SOX6: variants seen among roughly 807,000 people sequenced by gnomAD.
SOX6 encodes SRY-box transcription factor 6.
A neutral mutation model predicts 97.8 loss-of-function variants in SOX6; 11 were observed. The ratio of observed to expected loss-of-function variants is 0.11; its 90% CI spans 0.07 to 0.19. The LOEUF is 0.19. SOX6 is among the 10% of genes least tolerant of loss of function. SOX6 has a pLI of 1.00. For missense variants in SOX6, 810 were observed against 1,039.5 expected (o/e 0.78, Z 3.04); for synonymous variants, 360 against 371.4 (o/e 0.97, Z 0.35).
At chr11:16,725,546 G>T (rs1848300590) in intron 2 of SOX6, among the ~76,000 whole-genome samples, 1 of 151,900 alleles carries the variant, frequency 6.6e-6, no homozygotes, top group South Asian at 2.1e-4. Context: ...AGTCACAAAA[G>T]ACCACATATT....
intron 9 of SOX6, among the ~76,000 whole-genome samples, chr11:16,072,819 A>G (rs1488792052): frequency 1.3e-5 from 2 of 152,178 alleles, no homozygotes; most frequent in Non-Finnish European, 2.9e-5. Context: ...AATCCTCACC[A>G]TGAATTTCAT....
In SOX6 at chr11:15,972,885, T is replaced by A. The variant is rs765795555; in HGVS notation, c.2411A>T (p.Tyr804Phe). The A allele has an allele frequency of 6.2e-7, 1 of 1,614,258 alleles. No individual in the cohort carries two copies. The highest frequency in any genetic ancestry group is 8.5e-7 in the Non-Finnish European group (1 of 1,180,040). ...MINGEDEMEMYDDYEDDPKSD... is the reference protein window; with the variant it reads ...MINGEDEMEMFDDYEDDPKSD... Reference sequence around the variant, plus strand: ...TTTGGGGTCATCTTCATAGTCATCATACATTTCCATTTCATCCTCTCCATT... The same window carrying A: ...TTTGGGGTCATCTTCATAGTCATCAAACATTTCCATTTCATCCTCTCCATT... Residue 804 changes from tyrosine (Y) to phenylalanine (F), a missense_variant, in exon 16 of 16, where the codon TAT (tyrosine) becomes TTT (phenylalanine). By Grantham distance (22) the Tyr-to-Phe change is conservative (BLOSUM62 3). Coordinates refer to ENST00000683767, the MANE Select transcript of SOX6 (RefSeq NM_001367873.1).
intron 1 of SOX6, among the ~76,000 whole-genome samples, chr11:16,426,203 C>G (rs1859125772): frequency 8.4e-6 from 1 of 118,946 alleles, no homozygotes. Flanking sequence ...TTGCAGTGAG[C>G]TGAGATTGCG....
At chr11:16,694,382 G>C (rs893911168) in intron 3 of SOX6, among the ~76,000 whole-genome samples, 20 of 152,082 alleles carry the variant, frequency 1.3e-4, no homozygotes, top group African/African-American at 4.6e-4. Flanking sequence ...AATTAGCCGG[G>C]TATGGTGGTG....
intron 6 of SOX6, among the ~76,000 whole-genome samples, chr11:16,132,444 A>AGAAAAAAGAAAG (rs1554934020): frequency 9.9e-4 from 27 of 27,210 alleles, no homozygotes; most frequent in African/African-American, 1.5e-3. Context: ...AAAGAAAGAA[A>AGAAAAAAGAAAG]AAAGAAAGAA....
chr11:16,573,315 C>A (rs147724210), intron 4 of SOX6, among the ~76,000 whole-genome samples: 2 of 152,126 alleles, frequency 1.3e-5, no homozygotes, highest in South Asian at 2.1e-4. Context: ...ATGATAATGA[C>A]AGAATAAATT....
chr11:16,559,974 T>C (rs1335132861), intron 4 of SOX6, among the ~76,000 whole-genome samples: 1 of 152,150 alleles, frequency 6.6e-6, no homozygotes, highest in Non-Finnish European at 1.5e-5. Flanking sequence ...TATTTTGCCA[T>C]TTTGGGGGAG....
rs138944998 is a variant in SOX6, at chr11:16,651,332, T to C, written n.430-39072A>G. The stretch of plus-strand genomic sequence containing the variant: ...AAAAAACAAAACAAAAAAAGAAAGC[T>C]ACAGACTGATATCCTTGATGAACAT... On this transcript the variant is annotated intron_variant and non_coding_transcript_variant, in intron 3 of 5. Coordinates refer to the SOX6 transcript ENST00000524520. Among the ~76,000 whole-genome samples, 401 of 152,138 alleles carry C rather than the reference T, an allele frequency of 2.6e-3. 1 individual carries two copies. The highest frequency in any genetic ancestry group is 9.1e-3 in the African/African-American group (376 of 41,514).
intron 9 of SOX6, among the ~76,000 whole-genome samples, chr11:16,084,479 G>C (rs1198992298): frequency 6.6e-6 from 1 of 151,972 alleles, no homozygotes; most frequent in African/African-American, 2.4e-5. Context: ...CTACCATGCA[G>C]CAGACACTGT....
At chr11:16,419,974 A>T (rs933094269) in intron 1 of SOX6, among the ~76,000 whole-genome samples, 3 of 152,170 alleles carry the variant, frequency 2.0e-5, no homozygotes, top group Non-Finnish European at 4.4e-5. Flanking sequence ...TTTTTCTTAG[A>T]TTTCTCAAAG....
Position 16,318,618 on chromosome 11 carries a change from G to C in SOX6, c.273C>G (p.Ser91=). The C allele has an allele frequency of 6.2e-7, 1 of 1,613,110 alleles. No homozygotes were observed. Among genetic ancestry groups the C allele is most frequent in the Non-Finnish European group, 8.5e-7 (1 of 1,179,492 alleles). Residue 91 remains serine, a synonymous_variant, in exon 3 of 16, where the codon TCC becomes TCG. Coordinates refer to ENST00000683767, the MANE Select transcript of SOX6 (RefSeq NM_001367873.1). ...SENNKLCSLY[S]FRNTSTSPHK... ...GTGGTGAGGTAGAGGTATTTCGGAAGGAATATAGGGAACATAACTTATTAT... is the reference window on the plus strand; with the variant it reads ...GTGGTGAGGTAGAGGTATTTCGGAACGAATATAGGGAACATAACTTATTAT...
intron 15 of SOX6, among the ~76,000 whole-genome samples, chr11:15,974,377 T>TC (rs1472311876): frequency 6.8e-5 from 6 of 87,624 alleles, no homozygotes; most frequent in African/African-American, 2.2e-4. Context: ...GTTAGCTCTC[T>TC]CTTTTTTTTT....
At chr11:16,617,509 T>C (rs896667586) in intron 3 of SOX6, among the ~76,000 whole-genome samples, 4 of 151,942 alleles carry the variant, frequency 2.6e-5, no homozygotes, top group African/African-American at 9.6e-5. Flanking sequence ...ATATTTCAGA[T>C]ATTTTTAAGA....
intron 13 of SOX6, among the ~76,000 whole-genome samples, chr11:16,002,132 T>A (rs746390689): frequency 2.6e-5 from 4 of 152,212 alleles, no homozygotes; most frequent in Non-Finnish European, 5.9e-5. Context: ...AGGACCAGCC[T>A]GATGGAGGCA....
intron 1 of SOX6, among the ~76,000 whole-genome samples, chr11:16,469,127 T>A (rs1448103764): frequency 6.6e-6 from 1 of 151,346 alleles, no homozygotes; most frequent in Admixed American, 6.6e-5. Flanking sequence ...ATAATAATAG[T>A]AACTGAGTAA....
intron 12 of SOX6, among the ~76,000 whole-genome samples, chr11:16,035,690 C>T (rs572923673): frequency 8.5e-5 from 13 of 152,154 alleles, no homozygotes; most frequent in Non-Finnish European, 1.3e-4. Context: ...TTAGTGCCTA[C>T]TATGTGCCAG....
intron 3 of SOX6, among the ~76,000 whole-genome samples, chr11:16,259,955 G>GTT (rs1853827970): frequency 6.6e-6 from 1 of 151,794 alleles, no homozygotes; most frequent in South Asian, 2.1e-4. Flanking sequence ...ATGTGTGTGT[G>GTT]TGTGTGTGTG....
intron 12 of SOX6, among the ~76,000 whole-genome samples, chr11:16,027,006 T>C (rs1386542359): frequency 6.6e-6 from 1 of 152,200 alleles, no homozygotes; most frequent in African/African-American, 2.4e-5. Context: ...GTGGGAGAAC[T>C]GATATCAATT....
At chr11:16,679,334 G>C (rs564915031) in intron 3 of SOX6, among the ~76,000 whole-genome samples, 1 of 152,316 alleles carries the variant, frequency 6.6e-6, no homozygotes, top group South Asian at 2.1e-4. Context: ...AGGGTCTGAA[G>C]TGGACCTCCA....
Sources: allele counts gnomAD v4.1 joint callset (sites outside exome capture counted in the v4.1 genomes callset), GRCh38; gene constraint gnomAD v4.1.1; transcripts MANE v1.5; gene names NCBI Gene and HGNC (gene_info 2026-07-23, HGNC 2026-07-21).